Variants in NXPE4 observed in about 807,000 individuals in gnomAD.
NXPE4 encodes the protein NXPE family member 4.
Under a neutral mutation model 33.3 loss-of-function variants are expected in NXPE4, and 42 were observed. That is an observed-to-expected ratio of 1.26 (90% confidence interval 0.98 to 1.63). The LOEUF is 1.63. Ranked by LOEUF, NXPE4 falls within the 40% of genes most tolerant of loss-of-function variation. The pLI is 0.00. For synonymous variants in NXPE4, 253 were observed against 234.9 expected, an observed-to-expected ratio of 1.08 and a Z score of -0.71; for missense variants, 709 against 647.6, an observed-to-expected ratio of 1.09 and a Z score of -1.03.
chr11:114,654,370 A>G, the NXPE4 span, among the ~76,000 whole-genome samples: 1 of 152,256 alleles, frequency 6.6e-6, no homozygotes, highest in East Asian at 1.9e-4. Context: ...CTAAAAAAAA[A>G]ATGGGATACA....
At chr11:114,578,704 CG>C (rs1274989070) in intron 5 of NXPE4, among the ~76,000 whole-genome samples, 1 of 152,104 alleles carries the variant, frequency 6.6e-6, no homozygotes, top group Non-Finnish European at 1.5e-5. Context: ...AGCCAGGATC[CG>C]GGGTCATAGA....
upstream of NXPE4, among the ~76,000 whole-genome samples, chr11:114,598,295 T>C (rs1176944536): frequency 5.0e-5 from 1 of 20,174 alleles, no homozygotes; most frequent in Non-Finnish European, 1.0e-4. Context: ...TGGCTTTGTG[T>C]TGAGTGCCTT....
intron 4 of NXPE4, among the ~76,000 whole-genome samples, chr11:114,581,193 T>C (rs1949137088): frequency 6.6e-6 from 1 of 152,220 alleles, no homozygotes; most frequent in East Asian, 1.9e-4. Flanking sequence ...GATAAGAATT[T>C]CCTAGGCTAT....
At position 114,570,797 on chromosome 11, in the gene NXPE4, G is replaced by C. The variant is rs1948867561; in HGVS notation, c.*141C>G. 1 of 576,954 alleles carries C rather than the reference G, an allele frequency of 1.7e-6. No individual in the cohort carries two copies. Among genetic ancestry groups the C allele is most frequent in the Admixed American group, 3.3e-5 (1 of 30,324 alleles). The allele number at this position is 576,954 out of a possible 1,614,324, so 35.7% of individuals were successfully genotyped here. ...TAGAAACATCTCATTTAGCTGAATT[G>C]GTGGCTTATGGATCAGCCATAATGT... On this transcript the variant is annotated 3_prime_UTR_variant, in exon 6 of 6. Coordinates refer to ENST00000375478, the MANE Select transcript of NXPE4 (RefSeq NM_001077639.2).
chr11:114,626,713 A>G, the NXPE4 span, among the ~76,000 whole-genome samples: 1,168 of 152,368 alleles, frequency 7.7e-3, 7 homozygotes, highest in Non-Finnish European at 0.012. Context: ...AGACAATCAA[A>G]TTATTCCGAG....
the NXPE4 span, among the ~76,000 whole-genome samples, chr11:114,640,360 A>G: frequency 6.7e-6 from 1 of 149,562 alleles, no homozygotes; most frequent in Non-Finnish European, 1.5e-5. Flanking sequence ...TAGCATATAT[A>G]TGCTACTGTT....
chr11:114,673,011 G>C, the NXPE4 span, among the ~76,000 whole-genome samples: 1 of 149,866 alleles, frequency 6.7e-6, no homozygotes, highest in African/African-American at 2.4e-5. Flanking sequence ...TTCTTCTCAA[G>C]TACACATGGA....
At chr11:114,637,196 T>C in the NXPE4 span, among the ~76,000 whole-genome samples, 2 of 151,986 alleles carry the variant, frequency 1.3e-5, 1 homozygote, top group Non-Finnish European at 2.9e-5. Context: ...CTTGTTGAGT[T>C]GATCCCTTTA....
At position 114,581,784 on chromosome 11, in the gene NXPE4, G is replaced by T; in HGVS notation, c.833C>A (p.Ser278Ter). The T allele has an allele frequency of 6.2e-7, 1 of 1,603,240 alleles. No homozygotes were observed. The highest frequency in any genetic ancestry group is 8.5e-7 in the Non-Finnish European group (1 of 1,173,680). Residue 278 changes from serine to a stop codon, truncating the protein, a stop_gained and splice_region_variant, in exon 4 of 6, where the codon TCA (serine) becomes TAA (stop). Transcript: ENST00000375478. LOFTEE classifies it high-confidence loss of function. ...TTCCATAATCTCTACACCCACATTT[G>T]ACCTTAAAGACACAAATACAGAAAT... Reference protein sequence around the residue: ...SKQEKSLFERSNVGVEIMEKF... With the variant: ...SKQEKSLFER
the NXPE4 span, among the ~76,000 whole-genome samples, chr11:114,659,524 G>A: frequency 9.3e-5 from 14 of 150,414 alleles, 1 homozygote; most frequent in South Asian, 2.9e-3. Flanking sequence ...AACAAAAAAA[G>A]TTTGGAAAAC....
At chr11:114,626,468 G>C in the NXPE4 span, among the ~76,000 whole-genome samples, 5 of 152,226 alleles carry the variant, frequency 3.3e-5, no homozygotes, top group South Asian at 2.1e-4. Context: ...TGACGGTCCT[G>C]TCTGTTAGAA....
rs747901434 is a variant in NXPE4, at chr11:114,570,898, T to G, written c.*40A>C. ...GCCTGCTAGTAGACAGTCAATAAAT[T>G]TTTTTACTTAAGTGAATGAATTTCA... On this transcript the variant is annotated 3_prime_UTR_variant, in exon 6 of 6. Transcript: ENST00000375478. 4 of 1,438,220 alleles carry G rather than the reference T, an allele frequency of 2.8e-6. No homozygotes were observed. The highest frequency in any genetic ancestry group is 3.8e-6 in the Non-Finnish European group (4 of 1,064,020). 89.1% of individuals were successfully genotyped at this position (1,438,220 alleles called of 1,614,324 possible).
At chr11:114,673,038 AC>A in the NXPE4 span, among the ~76,000 whole-genome samples, 6 of 149,376 alleles carry the variant, frequency 4.0e-5, no homozygotes, top group African/African-American at 1.5e-4. Flanking sequence ...TCTAGGATAG[AC>A]CACATACTAT....
chr11:114,613,439 C>T, the NXPE4 span, among the ~76,000 whole-genome samples: 1 of 151,502 alleles, frequency 6.6e-6, no homozygotes, highest in Non-Finnish European at 1.5e-5. Flanking sequence ...AGTGTTGCCT[C>T]TTGTGTAACC....
At chr11:114,617,106 C>T in the NXPE4 span, among the ~76,000 whole-genome samples, 2 of 151,430 alleles carry the variant, frequency 1.3e-5, 1 homozygote, top group South Asian at 4.2e-4. Context: ...ATAAGTGTTG[C>T]CTCGTGGGTA....
At chr11:114,650,182 T>C in the NXPE4 span, among the ~76,000 whole-genome samples, 1 of 152,164 alleles carries the variant, frequency 6.6e-6, no homozygotes, top group Admixed American at 6.5e-5. Flanking sequence ...ACAAGCCCTT[T>C]CAGGGAGAGA....
chr11:114,650,101 G>C, the NXPE4 span, among the ~76,000 whole-genome samples: 1 of 152,096 alleles, frequency 6.6e-6, no homozygotes, highest in Non-Finnish European at 1.5e-5. Flanking sequence ...ATATACAAAA[G>C]TGTAACTTTC....
chr11:114,583,914 A>T, intron 2 of NXPE4: 2 of 394,452 alleles, frequency 5.1e-6, no homozygotes, highest in Non-Finnish European at 9.9e-6. Flanking sequence ...AAAGGCAGAT[A>T]TTATGCTATT....
chr11:114,654,994 C>T, the NXPE4 span, among the ~76,000 whole-genome samples: 1 of 152,158 alleles, frequency 6.6e-6, no homozygotes, highest in Non-Finnish European at 1.5e-5. Context: ...TGTTTCCTGA[C>T]TTTTTAATAA....
Sources: allele counts gnomAD v4.1 joint callset (sites outside exome capture counted in the v4.1 genomes callset), GRCh38; gene constraint gnomAD v4.1.1; transcripts MANE v1.5; gene names NCBI Gene and HGNC (gene_info 2026-07-23, HGNC 2026-07-21).